Variants in PHKB observed in about 807,000 individuals in gnomAD.
PHKB encodes phosphorylase b kinase regulatory subunit beta.
Under a neutral mutation model 152.1 loss-of-function variants are expected in PHKB, and 122 were observed. The ratio of observed to expected loss-of-function variants is 0.80; its 90% CI spans 0.69 to 0.93. The LOEUF is 0.93. Ranked by LOEUF, PHKB falls within the 40% of genes least tolerant of loss-of-function variation. The pLI, the probability that PHKB is intolerant of heterozygous loss-of-function variation, is 0.00. For synonymous variants in PHKB, 436 were observed against 464.9 expected (o/e 0.94, Z 0.80); for missense variants, 1,304 against 1,328.4 (o/e 0.98, Z 0.29).
intron 25 of PHKB, among the ~76,000 whole-genome samples, chr16:47,667,803 G>A (rs1454863111): frequency 6.6e-6 from 1 of 151,762 alleles, no homozygotes; most frequent in Non-Finnish European, 1.5e-5. Context: ...AGAAAGGGTG[G>A]GTTAGGGTTG....
chr16:47,498,041 G>A (rs1021529226), intron 2 of PHKB, among the ~76,000 whole-genome samples: 1 of 152,132 alleles, frequency 6.6e-6, no homozygotes, highest in Non-Finnish European at 1.5e-5. Context: ...TTGTTTGTCA[G>A]ACCATCTATT....
At chr16:47,661,881 C>T (rs752746611) in intron 23 of PHKB, 81 bp downstream of exon 23, 15 of 893,174 alleles carry the variant, frequency 1.7e-5, no homozygotes, top group Non-Finnish European at 2.7e-5. Context: ...AAGCTATCCA[C>T]TAAAATGTTA....
chr16:47,693,543 C>T lies in PHKB; in HGVS notation c.2895+36C>T, dbSNP rs780438330. 7 of 1,610,894 alleles carry T rather than the reference C, an allele frequency of 4.3e-6. No homozygotes were observed. The South Asian group carries it at 6.6e-5, about 15-fold the overall frequency. The stretch of plus-strand genomic sequence containing the variant: ...ACCATGTTCACATAAAGAAAGGAGA[C>T]TTCGCAAAGGGTAGTGAATCCTTTC... On this transcript the variant is annotated intron_variant, in intron 28 of 30. Coordinates refer to ENST00000323584, the MANE Select transcript of PHKB (RefSeq NM_000293.3).
intron 26 of PHKB, among the ~76,000 whole-genome samples, chr16:47,685,991 C>T (rs1973958847): frequency 6.6e-6 from 1 of 152,202 alleles, no homozygotes; most frequent in South Asian, 2.1e-4. Flanking sequence ...TCCGCTGCCT[C>T]AGCCTCCCAC....
chr16:47,503,720 T>A (rs1239154369), intron 4 of PHKB, among the ~76,000 whole-genome samples: 1 of 152,120 alleles, frequency 6.6e-6, no homozygotes, highest in East Asian at 1.9e-4. Flanking sequence ...TCTCAGCTAC[T>A]CGGGAGGCTG....
chr16:47,601,576 G>A lies in PHKB; in HGVS notation c.1363+5045G>A, dbSNP rs547670419. On this transcript the variant is annotated intron_variant, in intron 13 of 30. Coordinates refer to ENST00000323584, the MANE Select transcript of PHKB (RefSeq NM_000293.3). Reference sequence around the variant, plus strand: ...AAAAATTAGCCAGCCATGATGGCACGCACCTGTAGTCCCAATTACTCAGGA... The same window carrying A: ...AAAAATTAGCCAGCCATGATGGCACACACCTGTAGTCCCAATTACTCAGGA... Among the ~76,000 whole-genome samples, 116 of 151,936 alleles carry A rather than the reference G, an allele frequency of 7.6e-4. 3 individuals are homozygous for A. The South Asian group carries it at 0.022, about 29-fold the overall frequency.
At chr16:47,493,016 G>C (rs1953083120) in intron 1 of PHKB, among the ~76,000 whole-genome samples, 1 of 152,208 alleles carries the variant, frequency 6.6e-6, no homozygotes, top group South Asian at 2.1e-4. Flanking sequence ...CCAAAGTCTT[G>C]CTAGCTGGCT....
At chr16:47,617,837 C>G (rs556644059) in intron 14 of PHKB, among the ~76,000 whole-genome samples, 1 of 152,320 alleles carries the variant, frequency 6.6e-6, no homozygotes, top group South Asian at 2.1e-4. Flanking sequence ...AAAGAAGACT[C>G]TTATCACCCT....
intron 14 of PHKB, among the ~76,000 whole-genome samples, chr16:47,621,886 A>T (rs935632373): frequency 1.3e-5 from 2 of 152,066 alleles, no homozygotes; most frequent in South Asian, 4.2e-4. Context: ...ATGCCTTGAT[A>T]AAAAAAATCC....
At chr16:47,692,089 C>T (rs1974071611) in intron 27 of PHKB, among the ~76,000 whole-genome samples, 1 of 152,164 alleles carries the variant, frequency 6.6e-6, no homozygotes, top group Admixed American at 6.5e-5. Context: ...GCCAGCAATG[C>T]AAGCCCGTGC....
chr16:47,467,878 T>A (rs1185574588), intron 1 of PHKB, among the ~76,000 whole-genome samples: 2 of 152,196 alleles, frequency 1.3e-5, no homozygotes, highest in African/African-American at 2.4e-5. Context: ...AGGAACTCCC[T>A]AGAATTTCTG....
chr16:47,649,133 T>C lies in PHKB; in HGVS notation c.1726T>C (p.Tyr576His). Reference protein sequence around the residue: ...YRILGKTVVCYPIIFDLSDFY... With the variant: ...YRILGKTVVCHPIIFDLSDFY... Reference sequence around the variant, plus strand: ...CATTCTAGGAAAGACTGTGGTTTGTTACCCGATTATTTTCGACCTAAGTGA... The same window carrying C: ...CATTCTAGGAAAGACTGTGGTTTGTCACCCGATTATTTTCGACCTAAGTGA... The change falls in exon 18 of 31, where the codon TAC becomes CAC. Residue 576 changes from tyrosine to histidine, a missense_variant. Physicochemically the swap from Tyr to His is moderately conservative, Grantham distance 83 (BLOSUM62 2). Coordinates refer to ENST00000323584, the MANE Select transcript of PHKB (RefSeq NM_000293.3). 1.9e-6 allele frequency: 3 copies of C among 1,609,630 alleles called. No individual in the cohort carries two copies. Among genetic ancestry groups the C allele is most frequent in the Non-Finnish European group, 1.7e-6 (2 of 1,175,896 alleles).
intron 5 of PHKB, 43 bp from the exon 6 acceptor site, chr16:47,515,478 T>G (rs1446578627): frequency 1.2e-6 from 1 of 868,662 alleles, no homozygotes. Context: ...ATAACTTGTT[T>G]TGGTTGTTTC....
chr16:47,549,106 A>G (rs1266213044), intron 7 of PHKB, among the ~76,000 whole-genome samples: 1 of 152,216 alleles, frequency 6.6e-6, no homozygotes, highest in African/African-American at 2.4e-5. Context: ...TAGAGGAATA[A>G]TTTGTGGTAA....
intron 14 of PHKB, among the ~76,000 whole-genome samples, chr16:47,632,471 T>G (rs1435099981): frequency 6.6e-6 from 1 of 152,100 alleles, no homozygotes; most frequent in East Asian, 1.9e-4. Flanking sequence ...TAGAAAAAGG[T>G]GCTGAGAGTA....
intron 6 of PHKB, among the ~76,000 whole-genome samples, chr16:47,525,524 A>G (rs1395627739): frequency 2.0e-5 from 3 of 152,220 alleles, no homozygotes; most frequent in African/African-American, 4.8e-5. Flanking sequence ...ATACATAAAA[A>G]TAACTCTTTT....
intron 26 of PHKB, among the ~76,000 whole-genome samples, chr16:47,687,462 G>A (rs1210797982): frequency 1.3e-5 from 2 of 152,174 alleles, no homozygotes; most frequent in Non-Finnish European, 2.9e-5. Flanking sequence ...CATAGGTGTA[G>A]TCCAGTTTTT....
At chr16:47,691,631 G>C (rs1458774930) in intron 27 of PHKB, among the ~76,000 whole-genome samples, 1 of 151,492 alleles carries the variant, frequency 6.6e-6, no homozygotes, top group Non-Finnish European at 1.5e-5. Context: ...CCTGAACCCA[G>C]TAAGCTGAGG....
intron 7 of PHKB, among the ~76,000 whole-genome samples, chr16:47,559,439 T>A (rs1479105842): frequency 6.6e-6 from 1 of 152,204 alleles, no homozygotes; most frequent in African/African-American, 2.4e-5. Flanking sequence ...TATTATTGTC[T>A]TACATTATTA....
Sources: allele counts gnomAD v4.1 joint callset (sites outside exome capture counted in the v4.1 genomes callset), GRCh38; gene constraint gnomAD v4.1.1; transcripts MANE v1.5; gene names NCBI Gene and HGNC (gene_info 2026-07-23, HGNC 2026-07-21).